The following EPHA6 variants were observed in gnomAD, a reference collection of about 807,000 sequenced individuals.
EPHA6 encodes the protein ephrin type-A receptor 6.
Under a neutral mutation model 112.0 loss-of-function variants are expected in EPHA6, and 50 were observed. The ratio of observed to expected loss-of-function variants is 0.45; its 90% CI spans 0.36 to 0.56. EPHA6 has a LOEUF of 0.56. Among genes scored for constraint, EPHA6 ranks in the 20% least tolerant of loss-of-function variants. The pLI is 0.00. For synonymous variants in EPHA6, 529 were observed against 490.7 expected (o/e 1.08, Z -1.03); for missense variants, 1,280 against 1,417.4 (o/e 0.90, Z 1.56).
chr3:96,916,260 A>G (rs547991176), intron 2 of EPHA6, among the ~76,000 whole-genome samples: 6 of 152,292 alleles, frequency 3.9e-5, no homozygotes, highest in African/African-American at 1.4e-4. Flanking sequence ...AAAGTGATCA[A>G]CGTTGTAAAT....
chr3:97,532,893 CT>C (rs1455775956), intron 11 of EPHA6, among the ~76,000 whole-genome samples: 6 of 151,960 alleles, frequency 3.9e-5, no homozygotes, highest in African/African-American at 1.2e-4. Context: ...TAAAATATTT[CT>C]GTTTAGAAAT....
chr3:97,677,292 TAA>T, intron 14 of EPHA6, among the ~76,000 whole-genome samples: 1 of 151,698 alleles, frequency 6.6e-6, no homozygotes, highest in East Asian at 1.9e-4. Context: ...TATATCATAT[TAA>T]GTTAACATTG....
chr3:96,883,545 C>T (rs1304557090), intron 2 of EPHA6, among the ~76,000 whole-genome samples: 7 of 152,118 alleles, frequency 4.6e-5, no homozygotes, highest in Non-Finnish European at 1.0e-4. Flanking sequence ...TTTATAGTTT[C>T]AGGTCTTAGG....
rs80213688 is a variant in EPHA6, at chr3:97,086,909, G to A, written c.1114+98916G>A. Among the ~76,000 whole-genome samples the A allele has an allele frequency of 5.7e-3, 860 of 152,052 alleles. 30 individuals carry two copies. The East Asian group carries it at 0.11, about 19-fold the overall frequency. The stretch of plus-strand genomic sequence containing the variant: ...AATTGCATATTATTAAAATTATTTT[G>A]AGTAATTAAATCATATGCAATTATC... On this transcript the variant is annotated intron_variant, in intron 3 of 17. Coordinates refer to ENST00000389672, the MANE Select transcript of EPHA6 (RefSeq NM_001080448.3).
At chr3:96,898,310 A>G (rs905938751) in intron 2 of EPHA6, among the ~76,000 whole-genome samples, 14 of 152,206 alleles carry the variant, frequency 9.2e-5, no homozygotes, top group South Asian at 4.1e-4. Context: ...TATTATTATG[A>G]GGAACCATGC....
intron 6 of EPHA6, among the ~76,000 whole-genome samples, chr3:97,423,785 G>T (rs926648032): frequency 2.6e-5 from 4 of 152,076 alleles, no homozygotes; most frequent in African/African-American, 9.7e-5. Flanking sequence ...AACCAAAACA[G>T]CATGGTACAG....
In EPHA6 at chr3:96,974,060, TTATA is replaced by T. The variant is rs1283707114; in HGVS notation, c.451-13266_451-13263del. ...AATACAATAAATATATATAATAAAA[TTATA>T]TATTTGTAGTATGATTAATAATTAT... is the stretch of plus-strand genomic sequence containing the variant. On this transcript the variant is annotated intron_variant, in intron 2 of 17. Coordinates refer to ENST00000389672, the MANE Select transcript of EPHA6 (RefSeq NM_001080448.3). Among the ~76,000 whole-genome samples, 12 of 145,708 alleles carry T rather than the reference TTATA, an allele frequency of 8.2e-5. No homozygotes were observed. In the South Asian group the frequency reaches 1.7e-3, roughly 21 times the overall value.
chr3:97,704,712 T>A (rs2033586973), intron 14 of EPHA6, among the ~76,000 whole-genome samples: 1 of 152,138 alleles, frequency 6.6e-6, no homozygotes, highest in African/African-American at 2.4e-5. Context: ...TTTTTCTAAA[T>A]TTTTTTATTA....
At chr3:97,352,505 C>G (rs2083863240) in intron 5 of EPHA6, among the ~76,000 whole-genome samples, 1 of 152,154 alleles carries the variant, frequency 6.6e-6, no homozygotes, top group Non-Finnish European at 1.5e-5. Flanking sequence ...AATGCAGTGA[C>G]TGTGGGCTTT....
At chr3:97,276,911 AG>A (rs1482529904) in intron 5 of EPHA6, among the ~76,000 whole-genome samples, 5 of 152,062 alleles carry the variant, frequency 3.3e-5, no homozygotes, top group Non-Finnish European at 7.4e-5. Flanking sequence ...CAGGTGGGGG[AG>A]GGCTAGTCGT....
intron 3 of EPHA6, among the ~76,000 whole-genome samples, chr3:97,018,923 G>A (rs189577973): frequency 1.8e-3 from 270 of 152,282 alleles, no homozygotes; most frequent in African/African-American, 6.1e-3. Context: ...TGGCGTTACC[G>A]CTAGAGCAAG....
At chr3:97,512,647 C>A (rs888216486) in intron 10 of EPHA6, among the ~76,000 whole-genome samples, 1 of 152,090 alleles carries the variant, frequency 6.6e-6, no homozygotes, top group Non-Finnish European at 1.5e-5. Context: ...TCACTGCAAC[C>A]TGTGCCTCCG....
chr3:97,051,216 A>G (rs1257542552), intron 3 of EPHA6, among the ~76,000 whole-genome samples: 17 of 152,186 alleles, frequency 1.1e-4, no homozygotes, highest in Admixed American at 1.1e-3. Flanking sequence ...TCTGCTGACA[A>G]AACATCTTGT....
chr3:97,532,670 C>G lies in EPHA6; in HGVS notation c.2386+127C>G, dbSNP rs1577684808. On this transcript the variant is annotated intron_variant, in intron 11 of 17. Coordinates refer to ENST00000389672, the MANE Select transcript of EPHA6 (RefSeq NM_001080448.3). ...ATAACTTAGTTCAGATATCATCACC[C>G]CCTCAGAGACTTGATCCTAGGCTGT... is the stretch of plus-strand genomic sequence containing the variant. The G allele has an allele frequency of 2.0e-5, 15 of 746,468 alleles. No individual in the cohort carries two copies. In the East Asian group the frequency reaches 4.0e-4, roughly 20 times the overall value. The allele number at this position is 746,468 out of a possible 1,614,324, so 46.2% of individuals were successfully genotyped here.
chr3:97,281,114 G>A (rs2080269124), intron 5 of EPHA6, among the ~76,000 whole-genome samples: 1 of 152,082 alleles, frequency 6.6e-6, no homozygotes, highest in Admixed American at 6.6e-5. Context: ...ACACTAGAGA[G>A]GTGTCATAAA....
At chr3:97,610,351 A>ATT (rs1484328860) in intron 12 of EPHA6, among the ~76,000 whole-genome samples, 1 of 151,630 alleles carries the variant, frequency 6.6e-6, no homozygotes, top group South Asian at 2.1e-4. Flanking sequence ...CCTTAGGAAT[A>ATT]TTTCAGAAAT....
chr3:97,636,902 C>T (rs1295021582), intron 13 of EPHA6, among the ~76,000 whole-genome samples: 5 of 152,006 alleles, frequency 3.3e-5, no homozygotes, highest in Non-Finnish European at 5.9e-5. Context: ...AAGAATTTTT[C>T]ATGTTGCTCT....
intron 14 of EPHA6, among the ~76,000 whole-genome samples, chr3:97,671,803 G>C (rs2030864649): frequency 6.6e-6 from 1 of 151,552 alleles, no homozygotes; most frequent in Non-Finnish European, 1.5e-5. Context: ...GACAAAAGAT[G>C]AAATTCCAGT....
chr3:97,542,429 A>C (rs1037779176), intron 11 of EPHA6, among the ~76,000 whole-genome samples: 3 of 152,032 alleles, frequency 2.0e-5, no homozygotes, highest in Admixed American at 2.0e-4. Flanking sequence ...TGAACTCATC[A>C]TTTTTTATGG....
Sources: gnomAD v4.1 joint callset for allele counts (sites outside exome capture counted in the v4.1 genomes callset) on GRCh38, gnomAD v4.1.1 for gene constraint, MANE v1.5 for transcripts, NCBI Gene and HGNC (gene_info 2026-07-23, HGNC 2026-07-21) for gene names.